The following TNXB variants were observed in gnomAD, a reference collection of about 807,000 sequenced individuals.
TNXB encodes tenascin XB, also known as tenascin-X.
In TNXB, 183 loss-of-function variants were observed where a neutral mutation model predicts 340.5. The observed-to-expected ratio is 0.54, with a 90% confidence interval of 0.48 to 0.61. The LOEUF is 0.61. Among genes scored for constraint, TNXB ranks in the 20% least tolerant of loss-of-function variants. The pLI is 0.00. For synonymous variants in TNXB, 2,121 were observed against 2,314.5 expected (o/e 0.92, Z 2.40); for missense variants, 4,613 against 5,446.4 (o/e 0.85, Z 4.82).
Position 32,068,986 on chromosome 6 carries a change from A to T in TNXB, c.5738T>A (p.Ile1913Asn). Residue 1913 changes from isoleucine to asparagine, a missense_variant, in exon 16 of 44, where the codon ATC becomes AAC. By Grantham distance (149) the Ile-to-Asn change is moderately radical (BLOSUM62 -3). Around this residue, in one of 7 missense-constraint regions of TNXB, gnomAD observed 4,327 missense variants for 4,859.4 expected, o/e 0.89. Transcript: ENST00000644971. This position sits in a 1 kb window ranked among gnomAD's most constrained non-coding sequence, Gnocchi z 5.3. ...VTEGEFDSFE[I>N]QYTDRDGQLQ... Reference sequence around the variant, plus strand: ...TTGCCCGTCTCTATCTGTGTACTGGATTTCGAAGGAGTCAAATTCTCCCTC... The same window carrying T: ...TTGCCCGTCTCTATCTGTGTACTGGTTTTCGAAGGAGTCAAATTCTCCCTC... The T allele has an allele frequency of 6.2e-7, 1 of 1,612,818 alleles. No individual in the cohort carries two copies. Among genetic ancestry groups the T allele is most frequent in the Non-Finnish European group, 8.5e-7 (1 of 1,179,872 alleles).
Position 32,079,297 on chromosome 6 carries a change from C to G in TNXB, c.4111G>C (p.Glu1371Gln). 6.2e-7 allele frequency: 1 copy of G among 1,612,842 alleles called. No homozygotes were observed. The highest frequency in any genetic ancestry group is 1.1e-5 in the South Asian group (1 of 91,080). Residue 1371 changes from glutamate to glutamine, a missense_variant, in exon 11 of 44, where the codon GAG becomes CAG. This residue lies in a region of TNXB where 4,327 missense variants were observed against 4,859.4 expected (regional missense o/e 0.89). Transcript: ENST00000644971. This position sits in a 1 kb window ranked among gnomAD's most constrained non-coding sequence, Gnocchi z 7.1. ...GTCAGCTCCCCCAGGAGCGGCTCCTCGGGGGACTCCGGGGCCTCCGTGCCC... is the reference window on the plus strand; with the variant it reads ...GTCAGCTCCCCCAGGAGCGGCTCCTGGGGGGACTCCGGGGCCTCCGTGCCC... ...ELGTEAPESP[E>Q]EPLLGELTVT...
Position 32,073,513 on chromosome 6 carries a change from A to G in TNXB, c.4681+134T>C. On this transcript the variant is annotated intron_variant, in intron 12 of 43. Coordinates refer to ENST00000644971, the MANE Select transcript of TNXB (RefSeq NM_001365276.2). This position sits in a 1 kb window ranked among gnomAD's most constrained non-coding sequence, Gnocchi z 4.6. ...AGGGAACAGAAAGACTGGCAGGGTCACCGAGCCAGGGCCTGAGGGGATCTA... is the reference window on the plus strand; with the variant it reads ...AGGGAACAGAAAGACTGGCAGGGTCGCCGAGCCAGGGCCTGAGGGGATCTA... The G allele has an allele frequency of 1.3e-6, 1 of 741,530 alleles. No individual in the cohort carries two copies. The allele number at this position is 741,530 out of a possible 1,614,324, so 45.9% of individuals were successfully genotyped here.
At position 32,043,531 on chromosome 6, in the gene TNXB, A is replaced by T; in HGVS notation, c.11556T>A (p.Arg3852=). 1 of 895,030 alleles carries T rather than the reference A, an allele frequency of 1.1e-6. No homozygotes were observed. The allele number at this position is 895,030 out of a possible 1,614,324, so 55.4% of individuals were successfully genotyped here. ...CGAATCCCTCGGTCAAGTTCAGTGCACGCAACTGTGTGGGACCGTCAGGAA... is the reference window on the plus strand; with the variant it reads ...CGAATCCCTCGGTCAAGTTCAGTGCTCGCAACTGTGTGGGACCGTCAGGAA... ...TTVPDGPTQL[R]ALNLTEGFAV... Residue 3852 remains arginine (R), a synonymous_variant, in exon 36 of 44, where the codon CGT becomes CGA. Coordinates refer to ENST00000644971, the MANE Select transcript of TNXB (RefSeq NM_001365276.2).
Position 32,086,128 on chromosome 6 carries a change from G to C in TNXB, c.2780-10C>G. The C allele has an allele frequency of 6.7e-7, 1 of 1,485,920 alleles. No individual in the cohort carries two copies. The highest frequency in any genetic ancestry group is 9.0e-7 in the Non-Finnish European group (1 of 1,115,630). The allele number at this position is 1,485,920 out of a possible 1,614,324, so 92.0% of individuals were successfully genotyped here. A position where few individuals can be genotyped will look rare whatever the true frequency, so the allele number is the denominator to read the frequency against. Reference sequence around the variant, plus strand: ...CCCAAGGGTGAGGACCCTGGGAAGGGGCAGGGTGAGAAAAAGAGGAGAGTC... The same window carrying C: ...CCCAAGGGTGAGGACCCTGGGAAGGCGCAGGGTGAGAAAAAGAGGAGAGTC... On this transcript the variant is annotated splice_polypyrimidine_tract_variant and intron_variant, in intron 6 of 43. Coordinates refer to ENST00000644971, the MANE Select transcript of TNXB (RefSeq NM_001365276.2).
At chr6:32,059,644 A>C (rs965765538) in intron 21 of TNXB, among the ~76,000 whole-genome samples, 11 of 151,776 alleles carry the variant, frequency 7.2e-5, no homozygotes, top group Non-Finnish European at 1.5e-4. Context: ...AATTTTTCTA[A>C]TGTTCATTTT....
At position 32,041,645 on chromosome 6, in the gene TNXB, C is replaced by T. The variant is rs546004072; in HGVS notation, c.12633+126G>A. 6.8e-4 allele frequency: 771 copies of T among 1,127,056 alleles called. 2 individuals are homozygous for T. Among genetic ancestry groups the T allele is most frequent in the African/African-American group, 3.1e-3 (204 of 65,910 alleles). 69.8% of individuals were successfully genotyped at this position (1,127,056 alleles called of 1,614,324 possible). A position where few individuals can be genotyped will look rare whatever the true frequency, so the allele number is the denominator to read the frequency against. ...AATAAATCAACTCCAGCTCCCTCTG[C>T]GAGGCTGGCATGATTGTTCCATTTC... On this transcript the variant is annotated intron_variant, in intron 43 of 43. Transcript: ENST00000644971.
In TNXB at chr6:32,081,347, G is replaced by T; in HGVS notation, c.4042+21C>A. Reference sequence around the variant, plus strand: ...CAGGATGGGGCTAGCAGGGGAGGGAGGCCTGGCAGCCATGACTCACCAGTC... The same window carrying T: ...CAGGATGGGGCTAGCAGGGGAGGGATGCCTGGCAGCCATGACTCACCAGTC... On this transcript the variant is annotated intron_variant, in intron 10 of 43. Transcript: ENST00000644971. The surrounding 1 kb of genome is among the most constrained non-coding windows in gnomAD (Gnocchi z 5.1). The T allele has an allele frequency of 6.6e-7, 1 of 1,520,864 alleles. No homozygotes were observed. Among genetic ancestry groups the T allele is most frequent in the South Asian group, 1.2e-5 (1 of 81,264 alleles). 94.2% of individuals were successfully genotyped at this position (1,520,864 alleles called of 1,614,324 possible). A position where few individuals can be genotyped will look rare whatever the true frequency, so the allele number is the denominator to read the frequency against.
Position 32,101,656 on chromosome 6 carries a change from T to C in TNXB, c.-8-3450A>G, listed in dbSNP as rs910254930. ...GTTGGCCAGGCTGGTCTCAAACTCC[T>C]GACCTCAAGTGATCTGCCTTGGCCT... On this transcript the variant is annotated intron_variant, in intron 1 of 43. Coordinates refer to ENST00000644971, the MANE Select transcript of TNXB (RefSeq NM_001365276.2). Among the ~76,000 whole-genome samples, 198 of 148,970 alleles carry C rather than the reference T, an allele frequency of 1.3e-3. 1 individual carries two copies. Among genetic ancestry groups the C allele is most frequent in the African/African-American group, 4.6e-3 (186 of 40,220 alleles).
intron 13 of TNXB, among the ~76,000 whole-genome samples, chr6:32,071,610 G>A (rs1394484618): frequency 6.7e-6 from 1 of 149,158 alleles, no homozygotes; most frequent in East Asian, 2.0e-4. Context: ...TTTTGAGACG[G>A]AGTCTGGCTC....
chr6:32,071,556 A>C (rs1426415563), intron 13 of TNXB, among the ~76,000 whole-genome samples: 1 of 150,116 alleles, frequency 6.7e-6, no homozygotes, highest in East Asian at 2.0e-4. Flanking sequence ...CCTGGTCCTC[A>C]TCTGCTTTGC....
chr6:32,108,781 AG>A lies in TNXB; in HGVS notation c.-9+399del, dbSNP rs1274395127. Reference sequence around the variant, plus strand: ...CGCAAGCACTTTCCTTCCAAGGTTCAGCTGGCCACCAGTTCAGCCTAGTCCT... The same window carrying A: ...CGCAAGCACTTTCCTTCCAAGGTTCACTGGCCACCAGTTCAGCCTAGTCCT... On this transcript the variant is annotated intron_variant, in intron 1 of 43. Transcript: ENST00000644971. The surrounding 1 kb of genome is among the most constrained non-coding windows in gnomAD (Gnocchi z 4.8). Among the ~76,000 whole-genome samples, 1 of 152,126 alleles carries A rather than the reference AG, an allele frequency of 6.6e-6. No individual in the cohort carries two copies. Among genetic ancestry groups the A allele is most frequent in the African/African-American group, 2.4e-5 (1 of 41,412 alleles).
chr6:32,102,128 CTTCA>C (rs1780749939), intron 1 of TNXB, among the ~76,000 whole-genome samples: 1 of 152,216 alleles, frequency 6.6e-6, no homozygotes, highest in Admixed American at 6.5e-5. Context: ...GCTTGTCCCT[CTTCA>C]AAGAGGCTGT....
chr6:32,053,290 G>A, intron 25 of TNXB, 98 bp downstream of exon 25: 1 of 1,513,620 alleles, frequency 6.6e-7, no homozygotes, highest in Non-Finnish European at 8.9e-7. Flanking sequence ...CCATGGCTCA[G>A]CCAAGAGCAG....
At position 32,097,729 on chromosome 6, in the gene TNXB, A is replaced by C; in HGVS notation, c.403+67T>G. On this transcript the variant is annotated intron_variant, in intron 2 of 43. Transcript: ENST00000644971. The surrounding 1 kb of genome is among the most constrained non-coding windows in gnomAD (Gnocchi z 5.9). ...TGCCTTCTTCTAATTCATACCAAGG[A>C]CCTTTATGGACTAGCAATGCCCACC... is the stretch of plus-strand genomic sequence containing the variant. The C allele has an allele frequency of 6.9e-7, 1 of 1,457,046 alleles. No homozygotes were observed. The highest frequency in any genetic ancestry group is 1.5e-5 in the South Asian group (1 of 65,658). 90.3% of individuals were successfully genotyped at this position (1,457,046 alleles called of 1,614,324 possible).
rs1283106547 is a variant in TNXB at position 32,052,818 on chromosome 6, C to A, written c.8967G>T (p.Arg2989Ser). ...CACGCACCACCTGGGGCCGCCCGTC[C>A]CTGTCCTTGTACTGCACAGTGAAGG... The part of the protein sequence containing the change: ...FDSFTVQYKD[R>S]DGRPQVVRVR... Residue 2989 changes from arginine (R) to serine (S), a missense_variant, in exon 26 of 44, where the codon AGG (arginine) becomes AGT (serine). By Grantham distance (110) the Arg-to-Ser change is moderately radical. Transcript: ENST00000644971. This position sits in a 1 kb window ranked among gnomAD's most constrained non-coding sequence, Gnocchi z 4.7. The A allele has an allele frequency of 2.5e-6, 4 of 1,613,580 alleles. No homozygotes were observed. In the South Asian group the frequency reaches 4.4e-5, roughly 18 times the overall value.
intron 21 of TNXB, among the ~76,000 whole-genome samples, chr6:32,060,154 GA>G (rs1777920891): frequency 6.6e-6 from 1 of 151,832 alleles, no homozygotes; most frequent in Non-Finnish European, 1.5e-5. Context: ...CCAACATGGA[GA>G]AACTCCCTCT....
rs547253888 is a variant in TNXB, at chr6:32,047,721, G to A, written c.10324+13C>T. On this transcript the variant is annotated intron_variant, in intron 30 of 43. Transcript: ENST00000644971. This position sits in a 1 kb window ranked among gnomAD's most constrained non-coding sequence, Gnocchi z 6.2. ...GCAGCTCTGGAAAAGGTGGAGGCTG[G>A]ACTGGGACTCACCTGTGGTGCTGTC... is the stretch of plus-strand genomic sequence containing the variant. The A allele has an allele frequency of 1.2e-4, 190 of 1,580,970 alleles. No individual in the cohort carries two copies. The highest frequency in any genetic ancestry group is 4.9e-4 in the South Asian group (43 of 87,536).
In TNXB at chr6:32,082,144, G is replaced by A. The variant is rs748330632; in HGVS notation, c.3628C>T (p.Arg1210Cys). ...TCCAGTGAGGAGACAACAAATGAAC[G>A]CTCGGGCCCTTCCACAGGTACCACC... ...PQVVPVEGPE[R>C]SFVVSSLDPD... Residue 1210 changes from arginine to cysteine, a missense_variant, in exon 9 of 44, where the codon CGT (arginine) becomes TGT (cysteine). Arg to Cys is a radical substitution (Grantham distance 180). This residue lies in a region of TNXB where 4,327 missense variants were observed against 4,859.4 expected (regional missense o/e 0.89). Transcript: ENST00000644971. This position sits in a 1 kb window ranked among gnomAD's most constrained non-coding sequence, Gnocchi z 5.0. 5 of 1,611,560 alleles carry A rather than the reference G, an allele frequency of 3.1e-6. No individual in the cohort carries two copies. The highest frequency in any genetic ancestry group is 1.3e-5 in the African/African-American group (1 of 74,848).
chr6:32,084,741 T>C lies in TNXB; in HGVS notation c.3149-32A>G. 2 of 1,513,598 alleles carry C rather than the reference T, an allele frequency of 1.3e-6. No individual in the cohort carries two copies. The highest frequency in any genetic ancestry group is 1.3e-5 in the South Asian group (1 of 75,566). The allele number at this position is 1,513,598 out of a possible 1,614,324, so 93.8% of individuals were successfully genotyped here. On this transcript the variant is annotated intron_variant, in intron 7 of 43. Coordinates refer to ENST00000644971, the MANE Select transcript of TNXB (RefSeq NM_001365276.2). The surrounding 1 kb of genome is among the most constrained non-coding windows in gnomAD (Gnocchi z 5.5). ...TTTGAGAGGCAAAAGCAAAGCATAG[T>C]GGACTCAACCGTTCTCTTGTCTGTG...
Sources: allele counts gnomAD v4.1 joint callset (sites outside exome capture counted in the v4.1 genomes callset), GRCh38; gene constraint gnomAD v4.1.1; regional missense constraint gnomAD v4.1.1; non-coding constraint Gnocchi (gnomAD v3.1); transcripts MANE v1.5; gene names NCBI Gene and HGNC (gene_info 2026-07-23, HGNC 2026-07-21).